Variants in BICC1 observed in about 807,000 individuals in gnomAD.
BICC1 encodes BicC family RNA binding protein 1.
BICC1 carries 43 observed loss-of-function variants against 111.0 expected under a neutral mutation model. The observed-to-expected ratio is 0.39, with a 90% CI of 0.30 to 0.50. BICC1 has a LOEUF of 0.50. Among genes scored for constraint, BICC1 ranks in the 20% least tolerant of loss-of-function variants. The pLI is 0.88. For missense variants in BICC1, 1,091 were observed against 1,203.2 expected (o/e 0.91, Z 1.38); for synonymous variants, 467 against 434.4 (o/e 1.07, Z -0.93).
At position 58,572,819 on chromosome 10, in the gene BICC1, C is replaced by T. The variant is rs554632889; in HGVS notation, c.191-48036C>T. ...AGATAGCCAGAGGTAAACAATACTA[C>T]GCCTTTGATCCCTCAACATGGAATG... On this transcript the variant is annotated intron_variant, in intron 1 of 20. Coordinates refer to ENST00000373886, the MANE Select transcript of BICC1 (RefSeq NM_001080512.3). 3.3e-5 allele frequency among the ~76,000 whole-genome samples: 5 copies of T among 152,218 alleles called. No homozygotes were observed. In the East Asian group the frequency reaches 5.8e-4, roughly 18 times the overall value.
chr10:58,639,912 C>T (rs188110970), intron 2 of BICC1, among the ~76,000 whole-genome samples: 1 of 151,816 alleles, frequency 6.6e-6, no homozygotes, highest in Non-Finnish European at 1.5e-5. Flanking sequence ...AGGGTTTCGC[C>T]ATGTTGCCCA....
At chr10:58,546,058 G>C (rs1843130619) in intron 1 of BICC1, among the ~76,000 whole-genome samples, 1 of 152,152 alleles carries the variant, frequency 6.6e-6, no homozygotes, top group Non-Finnish European at 1.5e-5. Context: ...AATGAATGCT[G>C]TTTGGGCATT....
intron 3 of BICC1, among the ~76,000 whole-genome samples, chr10:58,764,981 G>T (rs932195599): frequency 6.6e-6 from 1 of 151,998 alleles, no homozygotes; most frequent in Non-Finnish European, 1.5e-5. Context: ...TCCTCTTTTG[G>T]GTTACATAAC....
At chr10:58,822,865 T>C (rs1844293348) in intron 20 of BICC1, among the ~76,000 whole-genome samples, 1 of 152,154 alleles carries the variant, frequency 6.6e-6, no homozygotes, top group Admixed American at 6.6e-5. Context: ...TGGTTATAGA[T>C]TGGTTAGGTC....
In BICC1 at chr10:58,601,906, T is replaced by C. The variant is rs542001671; in HGVS notation, c.191-18949T>C. ...TTTCTCGAATTAATCTAAGCAGATT[T>C]AGCAAAATTAGAAAGATATTCTAGA... On this transcript the variant is annotated intron_variant, in intron 1 of 20. Transcript: ENST00000373886. Among the ~76,000 whole-genome samples the C allele has an allele frequency of 4.6e-5, 7 of 152,230 alleles. No homozygotes were observed. The South Asian group carries it at 1.5e-3, about 32-fold the overall frequency.
At chr10:58,752,462 A>C (rs1443204942) in intron 3 of BICC1, among the ~76,000 whole-genome samples, 1 of 152,204 alleles carries the variant, frequency 6.6e-6, no homozygotes, top group Non-Finnish European at 1.5e-5. Context: ...TCGGAATGCC[A>C]TCAGAACCTG....
At chr10:58,742,319 A>T (rs2393485) in intron 3 of BICC1, among the ~76,000 whole-genome samples, 1 of 152,078 alleles carries the variant, frequency 6.6e-6, no homozygotes, top group Non-Finnish European at 1.5e-5. Context: ...CTCTTACGGC[A>T]TATTTTAAGG....
chr10:58,683,297 A>G (rs1839599460), intron 2 of BICC1, among the ~76,000 whole-genome samples: 1 of 152,156 alleles, frequency 6.6e-6, no homozygotes. Flanking sequence ...CTTGTAATAT[A>G]GTTTGAAGTC....
intron 2 of BICC1, among the ~76,000 whole-genome samples, chr10:58,636,755 C>A (rs1225224690): frequency 2.0e-5 from 3 of 152,160 alleles, no homozygotes; most frequent in Non-Finnish European, 4.4e-5. Context: ...GCTGTGAAAT[C>A]TTGGGCAAGT....
rs377249959 is a variant in BICC1, at chr10:58,553,466, T to C, written c.190+40133T>C. 1.8e-4 allele frequency among the ~76,000 whole-genome samples: 28 copies of C among 152,268 alleles called. No homozygotes were observed. The East Asian group carries it at 5.4e-3, about 29-fold the overall frequency. ...AGGAGACAGATTATCCTCTAGAGTT[T>C]CCAGTAGGATTGCAGTCCATCAACA... On this transcript the variant is annotated intron_variant, in intron 1 of 20. Coordinates refer to ENST00000373886, the MANE Select transcript of BICC1 (RefSeq NM_001080512.3).
chr10:58,685,419 C>A (rs1352876091), intron 2 of BICC1, among the ~76,000 whole-genome samples: 3 of 152,110 alleles, frequency 2.0e-5, no homozygotes, highest in Non-Finnish European at 4.4e-5. Flanking sequence ...TCCTGAATAT[C>A]CTTGTTAACT....
rs7906453 is a variant in BICC1, at chr10:58,693,787, A to G, written c.238-8287A>G. 8.7e-3 allele frequency among the ~76,000 whole-genome samples: 1,330 copies of G among 152,278 alleles called. 18 individuals carry two copies. Among genetic ancestry groups the G allele is most frequent in the African/African-American group, 0.031 (1,268 of 41,564 alleles). The stretch of plus-strand genomic sequence containing the variant: ...CCATTTGTCAGATGAGTAGGTTGCA[A>G]AAATTTTCTCCCATTCTGTAGGTTG... On this transcript the variant is annotated intron_variant, in intron 2 of 20. Transcript: ENST00000373886.
intron 2 of BICC1, among the ~76,000 whole-genome samples, chr10:58,653,978 A>G (rs912434020): frequency 6.6e-6 from 1 of 151,408 alleles, no homozygotes; most frequent in African/African-American, 2.4e-5. Flanking sequence ...GATGATTTCC[A>G]ATTTCATCCA....
At chr10:58,769,404 G>GTATATATA (rs59606054) in intron 3 of BICC1, among the ~76,000 whole-genome samples, 84 of 109,756 alleles carry the variant, frequency 7.7e-4, no homozygotes, top group African/African-American at 2.4e-3. Flanking sequence ...GTGTGTGTGT[G>GTATATATA]TATATATATA....
chr10:58,739,511 G>A (rs557258356), intron 3 of BICC1, among the ~76,000 whole-genome samples: 16 of 148,586 alleles, frequency 1.1e-4, no homozygotes, highest in South Asian at 8.7e-4. Context: ...TTTTTGCATC[G>A]ATGGAGCTGA....
chr10:58,799,625 T>C (rs950671465), intron 12 of BICC1, among the ~76,000 whole-genome samples: 1 of 152,158 alleles, frequency 6.6e-6, no homozygotes. Flanking sequence ...TTGCTTGTTA[T>C]TGTCGACTCT....
chr10:58,563,180 T>C (rs1053254023), intron 1 of BICC1, among the ~76,000 whole-genome samples: 3 of 151,982 alleles, frequency 2.0e-5, no homozygotes, highest in Non-Finnish European at 2.9e-5. Context: ...ATTGCAGGGA[T>C]ATTAGGCCCC....
At chr10:58,669,272 AGGATTTTGGATTTT>A (rs1356764245) in intron 2 of BICC1, among the ~76,000 whole-genome samples, 1 of 151,980 alleles carries the variant, frequency 6.6e-6, no homozygotes, top group Admixed American at 6.6e-5. Flanking sequence ...TGGGTTCCAA[AGGATTTTGGATTTT>A]GGATTTTGGA....
intron 3 of BICC1, among the ~76,000 whole-genome samples, chr10:58,719,997 TA>T (rs1202704343): frequency 1.3e-5 from 2 of 152,146 alleles, no homozygotes; most frequent in Non-Finnish European, 2.9e-5. Context: ...CAAAAGTAAT[TA>T]AACATCCCTC....
Sources: allele counts gnomAD v4.1 joint callset (sites outside exome capture counted in the v4.1 genomes callset), GRCh38; gene constraint gnomAD v4.1.1; transcripts MANE v1.5; gene names NCBI Gene and HGNC (gene_info 2026-07-23, HGNC 2026-07-21).